The following RGS13 variants were observed in gnomAD, a reference collection of about 807,000 sequenced individuals.
RGS13 encodes the protein regulator of G-protein signalling 13.
RGS13 carries 14 observed loss-of-function variants against 19.9 expected under a neutral mutation model. The observed-to-expected ratio is 0.70, with a 90% CI of 0.46 to 1.10. The LOEUF is 1.10. Ranked by LOEUF, RGS13 falls within the 50% of genes least tolerant of loss-of-function variation. The probability of loss-of-function intolerance (pLI) is 0.00; values close to 1 mark genes in which losing one functional copy is unlikely to be tolerated. For synonymous variants in RGS13, 60 were observed against 56.8 expected (o/e 1.06, Z -0.25); for missense variants, 205 against 187.1 (o/e 1.10, Z -0.56).
rs1663112342 is a variant in RGS13 at position 192,641,267 on chromosome 1, AAAGAAAG to A, written c.-4-3061_-4-3055del. Among the ~76,000 whole-genome samples the A allele has an allele frequency of 1.3e-4, 14 of 108,844 alleles. No individual in the cohort carries two copies. The South Asian group carries it at 4.3e-3, about 33-fold the overall frequency. The allele number at this position is 108,844 out of a possible 152,430, so 71.4% of individuals were successfully genotyped here. A position where few individuals can be genotyped will look rare whatever the true frequency, so the allele number is the denominator to read the frequency against. ...AAGAAAAGAAAGAAAAGAAAGAAAG[AAAGAAAG>A]AAAGAAAGAAAGAAAGAAAGAAAGA... On this transcript the variant is annotated intron_variant, in intron 3 of 6. Coordinates refer to ENST00000391995, the MANE Select transcript of RGS13 (RefSeq NM_002927.5).
intron 3 of RGS13, among the ~76,000 whole-genome samples, chr1:192,641,535 A>C (rs1663122898): frequency 6.6e-6 from 1 of 151,640 alleles, no homozygotes; most frequent in Non-Finnish European, 1.5e-5. Flanking sequence ...CAATGTCATT[A>C]ATGAGCATCT....
At chr1:192,636,942 A>C (rs1034215907) in intron 1 of RGS13, among the ~76,000 whole-genome samples, 1 of 151,494 alleles carries the variant, frequency 6.6e-6, no homozygotes, top group African/African-American at 2.4e-5. Context: ...GTAACATGCT[A>C]TATCATAAAA....
At chr1:192,651,162 T>C (rs1663328178) in intron 5 of RGS13, among the ~76,000 whole-genome samples, 1 of 151,810 alleles carries the variant, frequency 6.6e-6, no homozygotes, top group Non-Finnish European at 1.5e-5. Flanking sequence ...ATGACGAAAA[T>C]AGTGCATTCT....
intron 5 of RGS13, 136 bp downstream of exon 5, chr1:192,648,123 G>T: frequency 2.0e-6 from 1 of 491,610 alleles, no homozygotes; most frequent in Middle Eastern, 3.1e-4. Context: ...GTTAAAAAAA[G>T]AAAACCTGAA....
At chr1:192,657,925 T>A (rs904421069) in intron 5 of RGS13, among the ~76,000 whole-genome samples, 2 of 152,148 alleles carry the variant, frequency 1.3e-5, no homozygotes, top group African/African-American at 4.8e-5. Context: ...TCCTGTCCTA[T>A]CTGTCCTAGA....
At chr1:192,648,087 C>T (rs913194937) in intron 5 of RGS13, 100 bp downstream of exon 5, 35 of 719,520 alleles carry the variant, frequency 4.9e-5, no homozygotes, top group Non-Finnish European at 7.4e-5. Flanking sequence ...ATTCTTCTCA[C>T]AGCCTTCTAA....
intron 4 of RGS13, chr1:192,647,129 G>A (rs1042300906): frequency 2.0e-5 from 3 of 152,126 alleles, no homozygotes; most frequent in African/African-American, 7.2e-5. Flanking sequence ...CATGCAAATA[G>A]GTTTTGTGGA....
At chr1:192,650,585 T>C (rs6703926) in intron 5 of RGS13, among the ~76,000 whole-genome samples, 12,672 of 152,030 alleles carry the variant, frequency 0.083, 1,075 homozygotes, top group African/African-American at 0.21. Context: ...TGGGTCTCAA[T>C]AGATGAACCG....
rs757330335 is a variant in RGS13 at position 192,644,391 on chromosome 1, C to A, written c.57C>A (p.Pro19=). 2 of 1,608,798 alleles carry A rather than the reference C, an allele frequency of 1.2e-6. No individual in the cohort carries two copies. Among genetic ancestry groups the A allele is most frequent in the South Asian group, 1.1e-5 (1 of 90,374 alleles). The part of the protein sequence containing the change: ...CKMCRDESKR[P]PSNLTLEEVL... Reference sequence around the variant, plus strand: ...TGTGCAGAGATGAATCTAAGAGGCCCCCTTCAAAGTAAGTAGCATTTAAGT... The same window carrying A: ...TGTGCAGAGATGAATCTAAGAGGCCACCTTCAAAGTAAGTAGCATTTAAGT... The change falls in exon 4 of 7, where the codon CCC becomes CCA. Residue 19 remains proline, a synonymous_variant. Coordinates refer to ENST00000391995, the MANE Select transcript of RGS13 (RefSeq NM_002927.5).
At chr1:192,654,016 G>A (rs910975609) in intron 5 of RGS13, among the ~76,000 whole-genome samples, 3 of 151,858 alleles carry the variant, frequency 2.0e-5, no homozygotes, top group Non-Finnish European at 4.4e-5. Flanking sequence ...ACGAGTTAAT[G>A]GGTGCAGCAC....
chr1:192,640,497 G>A (rs1022931802), intron 3 of RGS13, among the ~76,000 whole-genome samples: 2 of 152,114 alleles, frequency 1.3e-5, no homozygotes, highest in African/African-American at 4.8e-5. Flanking sequence ...GGTATTTAAG[G>A]TCATCTAGAA....
At chr1:192,650,485 A>C (rs1663316958) in intron 5 of RGS13, among the ~76,000 whole-genome samples, 1 of 152,144 alleles carries the variant, frequency 6.6e-6, no homozygotes, top group Non-Finnish European at 1.5e-5. Context: ...GCTGTAGCTG[A>C]GATATGCAGA....
chr1:192,646,537 G>T (rs1440051184), intron 4 of RGS13: 2 of 152,134 alleles, frequency 1.3e-5, no homozygotes, highest in South Asian at 2.1e-4. Flanking sequence ...GGATGTGCAG[G>T]TTTGTTACAT....
chr1:192,641,340 A>G (rs1436860034), intron 3 of RGS13, among the ~76,000 whole-genome samples: 1 of 151,182 alleles, frequency 6.6e-6, no homozygotes, highest in African/African-American at 2.4e-5. Flanking sequence ...GGAAGGAAGG[A>G]GAGAAAGAAA....
intron 4 of RGS13, chr1:192,645,042 C>T (rs1374432713): frequency 6.6e-6 from 1 of 152,258 alleles, no homozygotes; most frequent in Non-Finnish European, 1.5e-5. Context: ...CATGAATGCT[C>T]TTTCACTAAA....
At chr1:192,651,488 T>TA (rs1355238579) in intron 5 of RGS13, among the ~76,000 whole-genome samples, 1 of 151,960 alleles carries the variant, frequency 6.6e-6, no homozygotes, top group Non-Finnish European at 1.5e-5. Context: ...ATTTGGGAAA[T>TA]ACAGCAATAT....
At chr1:192,655,654 C>G (rs772244348) in intron 5 of RGS13, among the ~76,000 whole-genome samples, 3 of 151,940 alleles carry the variant, frequency 2.0e-5, no homozygotes, top group Non-Finnish European at 4.4e-5. Context: ...ACACAAAGGT[C>G]AGGAAATAAC....
At position 192,653,430 on chromosome 1, in the gene RGS13, C is replaced by A. The variant is rs188561671; in HGVS notation, c.128-4771C>A. 3.1e-3 allele frequency among the ~76,000 whole-genome samples: 471 copies of A among 152,082 alleles called. 3 individuals are homozygous for A. Among genetic ancestry groups the A allele is most frequent in the African/African-American group, 0.011 (461 of 41,524 alleles). The stretch of plus-strand genomic sequence containing the variant: ...CAATTTTACAATATGTATCAAGAGT[C>A]TCCAAAAATATTACATCTTCAATCT... On this transcript the variant is annotated intron_variant, in intron 5 of 6. Coordinates refer to ENST00000391995, the MANE Select transcript of RGS13 (RefSeq NM_002927.5).
At chr1:192,659,217 C>A in intron 6 of RGS13, 121 bp from the exon 7 acceptor site, 1 of 603,874 alleles carries the variant, frequency 1.7e-6, no homozygotes, top group Non-Finnish European at 2.7e-6. Flanking sequence ...TATAAAACTA[C>A]AAAGAAAATT....
Sources: gnomAD v4.1 joint callset for allele counts (sites outside exome capture counted in the v4.1 genomes callset) on GRCh38, gnomAD v4.1.1 for gene constraint, MANE v1.5 for transcripts, NCBI Gene and HGNC (gene_info 2026-07-23, HGNC 2026-07-21) for gene names.